The following NBDY variants were observed in gnomAD, a reference collection of about 807,000 sequenced individuals.
The protein encoded by NBDY is P-body dissociating protein.
At chrX:56,754,914 AT>A (rs2069601993) in intron 2 of NBDY, among the ~76,000 whole-genome samples, 1 of 112,180 alleles carries the variant, frequency 8.9e-6, no homozygotes, top group Non-Finnish European at 1.9e-5. Flanking sequence ...TTTTTTGAAA[AT>A]ATCAACAAAA....
chrX:56,754,423 C>T (rs1402208763), intron 2 of NBDY, among the ~76,000 whole-genome samples: 1 of 111,583 alleles, frequency 9.0e-6, no homozygotes, highest in Admixed American at 9.5e-5. Flanking sequence ...GGAATATACA[C>T]ATTTTTCTCA....
At chrX:56,780,943 G>A (rs780822681) in intron 2 of NBDY, among the ~76,000 whole-genome samples, 3 of 107,419 alleles carry the variant, frequency 2.8e-5, no homozygotes, top group Non-Finnish European at 5.8e-5. Context: ...AGAGGTCCTC[G>A]GTTTTAACTT....
At chrX:56,792,895 G>A (rs1468928687) in intron 2 of NBDY, among the ~76,000 whole-genome samples, 1 of 111,341 alleles carries the variant, frequency 9.0e-6, no homozygotes, top group Non-Finnish European at 1.9e-5. Context: ...CCTGGGTCAA[G>A]CTGCTTAAAA....
At chrX:56,799,467 C>T (rs1054838603) in intron 2 of NBDY, among the ~76,000 whole-genome samples, 16 of 113,265 alleles carry the variant, frequency 1.4e-4, no homozygotes, top group African/African-American at 4.5e-4. Flanking sequence ...CTGTTCTGTC[C>T]CCGGGCCTCT....
At chrX:56,796,218 TGTG>T (rs895674506) in intron 2 of NBDY, among the ~76,000 whole-genome samples, 14 of 112,063 alleles carry the variant, frequency 1.2e-4, no homozygotes, top group African/African-American at 4.2e-4. Context: ...TCTGTGCGGA[TGTG>T]GTGGAGATCT....
At chrX:56,811,307 C>T (rs1468714959) in intron 2 of NBDY, 1 of 112,096 alleles carries the variant, frequency 8.9e-6, no homozygotes, top group Non-Finnish European at 1.9e-5. Flanking sequence ...CTGCTCTATT[C>T]AGAGGTACCA....
intron 2 of NBDY, among the ~76,000 whole-genome samples, chrX:56,755,170 C>T (rs2069603407): frequency 8.9e-6 from 1 of 111,943 alleles, no homozygotes; most frequent in African/African-American, 3.3e-5. Flanking sequence ...AATGTTAGAC[C>T]TAAAACCATA....
intron 2 of NBDY, among the ~76,000 whole-genome samples, chrX:56,787,119 A>G (rs1033812405): frequency 9.0e-6 from 1 of 111,351 alleles, no homozygotes; most frequent in East Asian, 2.8e-4. Flanking sequence ...GTGTGCAGGC[A>G]GGGTGTCTCT....
At chrX:56,794,533 C>T (rs745993106) in intron 2 of NBDY, among the ~76,000 whole-genome samples, 31 of 111,826 alleles carry the variant, frequency 2.8e-4, no homozygotes, top group Non-Finnish European at 4.1e-4. Context: ...TCTGCCTTCC[C>T]CCTTCCCTCT....
chrX:56,749,015 C>T (rs1053190227), intron 2 of NBDY, among the ~76,000 whole-genome samples: 6 of 108,897 alleles, frequency 5.5e-5, no homozygotes, highest in Non-Finnish European at 9.5e-5. Context: ...AGATATAGGA[C>T]ATAAGAGAAT....
At chrX:56,753,435 C>G (rs1400111991) in intron 2 of NBDY, among the ~76,000 whole-genome samples, 2 of 111,805 alleles carry the variant, frequency 1.8e-5, no homozygotes, top group African/African-American at 6.5e-5. Context: ...TGAAGATGTC[C>G]ACTAGAATGT....
intron 2 of NBDY, among the ~76,000 whole-genome samples, chrX:56,802,213 CTT>C (rs1569292099): frequency 8.9e-6 from 1 of 112,127 alleles, no homozygotes; most frequent in Non-Finnish European, 1.9e-5. Context: ...CACCTAAGGC[CTT>C]CTCCTGAGAA....
At chrX:56,737,442 C>A in intron 2 of NBDY, 3 of 689,592 alleles carry the variant, frequency 4.4e-6, no homozygotes, top group Non-Finnish European at 6.9e-6. Flanking sequence ...CTTATGGCTT[C>A]TTTTATGTCT....
chrX:56,803,614 A>G (rs1172006176), intron 2 of NBDY, among the ~76,000 whole-genome samples: 1 of 110,765 alleles, frequency 9.0e-6, no homozygotes, highest in African/African-American at 3.3e-5. Flanking sequence ...TAAAACCGCG[A>G]TGGGGGAAAC....
chrX:56,737,335 C>T lies in NBDY; in HGVS notation c.*166+5136C>T, dbSNP rs777209236. ...AGAAATTTTCCTCTTCATATTTGGT[C>T]CACTGCTCTTTAGGCAAGATCTGAT... On this transcript the variant is annotated intron_variant, in intron 2 of 2. Transcript: ENST00000374922. 5.1e-5 allele frequency: 40 copies of T among 784,296 alleles called. No individual in the cohort carries two copies. The South Asian group carries it at 8.0e-4, about 16-fold the overall frequency. The allele number at this position is 784,296 out of a possible 1,213,427, so 64.6% of individuals were successfully genotyped here. A position where few individuals can be genotyped will look rare whatever the true frequency, so the allele number is the denominator to read the frequency against.
chrX:56,762,519 G>C (rs1385332601), intron 2 of NBDY, among the ~76,000 whole-genome samples: 1 of 111,158 alleles, frequency 9.0e-6, no homozygotes, highest in African/African-American at 3.3e-5. Flanking sequence ...CAGTTCCTCT[G>C]GTCCTCTAAA....
intron 2 of NBDY, among the ~76,000 whole-genome samples, chrX:56,786,050 T>G (rs1378112469): frequency 9.0e-6 from 1 of 111,383 alleles, no homozygotes; most frequent in Non-Finnish European, 1.9e-5. Flanking sequence ...TTCTGCCCTC[T>G]CTCCATATTG....
chrX:56,765,470 A>C (rs1263866216), intron 2 of NBDY, among the ~76,000 whole-genome samples: 1 of 111,644 alleles, frequency 9.0e-6, no homozygotes, highest in Non-Finnish European at 1.9e-5. Flanking sequence ...TTTTGATCTT[A>C]CTCAGGAAAT....
intron 2 of NBDY, among the ~76,000 whole-genome samples, chrX:56,788,057 C>T (rs1018196104): frequency 8.9e-6 from 1 of 111,959 alleles, no homozygotes; most frequent in African/African-American, 3.3e-5. Flanking sequence ...TTACTTTCTG[C>T]ACCTGCGGGA....
Sources: allele counts gnomAD v4.1 joint callset (sites outside exome capture counted in the v4.1 genomes callset), GRCh38; gene constraint gnomAD v4.1.1; transcripts MANE v1.5; gene names NCBI Gene and HGNC (gene_info 2026-07-23, HGNC 2026-07-21).